CAST: variants seen among roughly 807,000 people sequenced by gnomAD.
The protein encoded by CAST is calpastatin, also known as MIR583 host.
In CAST, 76 loss-of-function variants were observed where a neutral mutation model predicts 119.6. The ratio of observed to expected loss-of-function variants is 0.64; its 90% CI spans 0.53 to 0.77. The LOEUF is 0.77. CAST is among the 30% of genes least tolerant of loss of function. The pLI is 0.00. For missense variants in CAST, 953 were observed against 946.5 expected, an observed-to-expected ratio of 1.01 and a Z score of -0.09; for synonymous variants, 319 against 331.6, an observed-to-expected ratio of 0.96 and a Z score of 0.41.
chr5:96,495,170 C>T, the CAST span, among the ~76,000 whole-genome samples: 1 of 149,146 alleles, frequency 6.7e-6, no homozygotes, highest in Non-Finnish European at 1.5e-5. Context: ...ATATTGTAAT[C>T]AAGAAAACTC....
chr5:96,550,407 T>C (rs1746106247), intron 1 of CAST, among the ~76,000 whole-genome samples: 1 of 152,148 alleles, frequency 6.6e-6, no homozygotes, highest in African/African-American at 2.4e-5. Context: ...ACCTCATATG[T>C]AGGTCACCAA....
At chr5:96,317,508 T>TGTCATCCTA in the CAST span, among the ~76,000 whole-genome samples, 1 of 144,946 alleles carries the variant, frequency 6.9e-6, no homozygotes, top group African/African-American at 2.6e-5. Flanking sequence ...AAAAGAATGG[T>TGTCATCCTA]GTCATCCTAT....
intron 3 of CAST, among the ~76,000 whole-genome samples, chr5:96,718,496 C>T (rs781026347): frequency 1.3e-5 from 2 of 151,858 alleles, no homozygotes; most frequent in East Asian, 3.9e-4. Context: ...CCATGACACG[C>T]AGTTTACCTG....
the CAST span, among the ~76,000 whole-genome samples, chr5:96,025,990 T>C: frequency 1.3e-5 from 2 of 152,212 alleles, no homozygotes; most frequent in East Asian, 3.8e-4. Context: ...CCCAGCACTT[T>C]GGGAGGCCAA....
At chr5:96,171,053 A>G in the CAST span, among the ~76,000 whole-genome samples, 2 of 152,158 alleles carry the variant, frequency 1.3e-5, no homozygotes, top group Non-Finnish European at 1.5e-5. Flanking sequence ...CTGAGGGGAC[A>G]GGTGGGAGGG....
At chr5:96,198,761 G>GT in the CAST span, among the ~76,000 whole-genome samples, 15 of 152,324 alleles carry the variant, frequency 9.8e-5, no homozygotes, top group Admixed American at 7.2e-4. Flanking sequence ...CAGACGTGGA[G>GT]TGAGGGTGTT....
the CAST span, among the ~76,000 whole-genome samples, chr5:96,299,276 CAACAACAACAACAACA>C: frequency 7.4e-5 from 11 of 149,514 alleles, no homozygotes; most frequent in South Asian, 2.1e-4. Context: ...ACAACAACAA[CAACAACAACAACAACA>C]AACAAACAAA....
At chr5:96,158,838 C>A in the CAST span, among the ~76,000 whole-genome samples, 1 of 152,108 alleles carries the variant, frequency 6.6e-6, no homozygotes, top group Admixed American at 6.5e-5. Flanking sequence ...GGTAATGCTG[C>A]CCTTGGTAAG....
At chr5:96,678,572 C>T (rs913999851) in intron 2 of CAST, among the ~76,000 whole-genome samples, 1 of 152,092 alleles carries the variant, frequency 6.6e-6, no homozygotes, top group African/African-American at 2.4e-5. Context: ...GGGCCGGGTG[C>T]GGTGGCTCAT....
the CAST span, among the ~76,000 whole-genome samples, chr5:96,002,050 G>A: frequency 6.6e-5 from 10 of 152,186 alleles, no homozygotes; most frequent in African/African-American, 2.4e-4. Flanking sequence ...TAATGGAAAT[G>A]TCTACAAAGT....
the CAST span, among the ~76,000 whole-genome samples, chr5:96,493,596 C>A: frequency 4.1e-4 from 62 of 152,298 alleles, no homozygotes; most frequent in African/African-American, 1.4e-3. Flanking sequence ...AGACTCCAGG[C>A]TTGAATCTCA....
chr5:96,774,388 G>T lies in CAST; in HGVS notation c.*1772G>T. 1 of 396,612 alleles carries T rather than the reference G, an allele frequency of 2.5e-6. No homozygotes were observed. The highest frequency in any genetic ancestry group is 3.4e-6 in the Non-Finnish European group (1 of 289,856). The allele number at this position is 396,612 out of a possible 1,614,324, so 24.6% of individuals were successfully genotyped here. The stretch of plus-strand genomic sequence containing the variant: ...TTAGAAATATCTTCGAGACTTGGGT[G>T]TTTGTTAATAACTAATAACTGGAGT... On this transcript the variant is annotated 3_prime_UTR_variant, in exon 32 of 32. Transcript: ENST00000675179.
intron 1 of CAST, among the ~76,000 whole-genome samples, chr5:96,540,367 C>G (rs1745890092): frequency 6.6e-6 from 1 of 151,868 alleles, no homozygotes; most frequent in Non-Finnish European, 1.5e-5. Flanking sequence ...TTTATGGATC[C>G]TTTCAGATTT....
At chr5:96,052,067 G>A in the CAST span, among the ~76,000 whole-genome samples, 16 of 152,272 alleles carry the variant, frequency 1.1e-4, no homozygotes, top group African/African-American at 3.6e-4. Context: ...TAAGTGATCC[G>A]AGTTATTGCT....
chr5:96,575,052 A>C (rs1746644878), intron 1 of CAST, among the ~76,000 whole-genome samples: 1 of 152,184 alleles, frequency 6.6e-6, no homozygotes, highest in Non-Finnish European at 1.5e-5. Flanking sequence ...GCTATGTGAT[A>C]TGTCTCTCCA....
At chr5:95,962,501 TAAAAAC>T in the CAST span, among the ~76,000 whole-genome samples, 160 of 152,200 alleles carry the variant, frequency 1.1e-3, no homozygotes, top group African/African-American at 2.7e-3. Flanking sequence ...GCAGAGCTTA[TAAAAAC>T]AAAAACAAAA....
chr5:96,282,503 C>A, the CAST span, among the ~76,000 whole-genome samples: 1,571 of 152,264 alleles, frequency 0.01, 25 homozygotes, highest in African/African-American at 0.035. Context: ...CCTAAACAAC[C>A]TTATGAGGCA....
the CAST span, among the ~76,000 whole-genome samples, chr5:96,508,032 T>TATTATTA: frequency 7.2e-6 from 1 of 138,352 alleles, no homozygotes; most frequent in Non-Finnish European, 1.6e-5. Context: ...TTATTATTAT[T>TATTATTA]TTATGTTATG....
chr5:96,015,556 G>C, the CAST span, among the ~76,000 whole-genome samples: 5 of 151,746 alleles, frequency 3.3e-5, no homozygotes, highest in East Asian at 9.7e-4. Context: ...TCCTGTTTTA[G>C]GTATTAATGT....
Sources: allele counts gnomAD v4.1 joint callset (sites outside exome capture counted in the v4.1 genomes callset), GRCh38; gene constraint gnomAD v4.1.1; transcripts MANE v1.5; gene names NCBI Gene and HGNC (gene_info 2026-07-23, HGNC 2026-07-21).